TFCP2L1: variants seen among roughly 807,000 people sequenced by gnomAD.
The protein encoded by TFCP2L1 is transcription factor CP2-like protein 1.
A neutral mutation model predicts 72.2 loss-of-function variants in TFCP2L1; 12 were observed. That is an observed-to-expected ratio of 0.17 (90% CI 0.11 to 0.27). The LOEUF is 0.27. Ranked by LOEUF, TFCP2L1 falls within the 10% of genes least tolerant of loss-of-function variation. The pLI, the probability that TFCP2L1 is intolerant of heterozygous loss-of-function variation, is 1.00. For missense variants in TFCP2L1, 488 were observed against 624.6 expected, an observed-to-expected ratio of 0.78 and a Z score of 2.33; for synonymous variants, 260 against 251.0, an observed-to-expected ratio of 1.04 and a Z score of -0.34.
chr2:121,284,206 C>A (rs1340415363), intron 1 of TFCP2L1, among the ~76,000 whole-genome samples: 2 of 152,246 alleles, frequency 1.3e-5, no homozygotes, highest in East Asian at 1.9e-4. Context: ...ATCAAATGCC[C>A]TTTGGGTTAA....
intron 1 of TFCP2L1, among the ~76,000 whole-genome samples, chr2:121,284,779 CCT>C (rs1687332914): frequency 6.6e-6 from 1 of 152,158 alleles, no homozygotes; most frequent in Non-Finnish European, 1.5e-5. Context: ...CGCCCTGCAC[CCT>C]CTCTGCCGCC....
At chr2:121,246,166 G>A (rs993816792) in intron 6 of TFCP2L1, among the ~76,000 whole-genome samples, 2 of 152,210 alleles carry the variant, frequency 1.3e-5, no homozygotes, top group African/African-American at 2.4e-5. Flanking sequence ...TGAGAATGAT[G>A]CAAGCTCATG....
chr2:121,249,057 G>A lies in TFCP2L1; in HGVS notation c.322C>T (p.Arg108Trp), dbSNP rs770297980. The change falls in exon 4 of 15, where the codon CGG (arginine) becomes TGG (tryptophan). Residue 108 changes from arginine to tryptophan, a missense_variant. This residue lies in a region of TFCP2L1 where 129 missense variants were observed against 236.0 expected (regional missense o/e 0.55). Transcript: ENST00000263707. Reference sequence around the variant, plus strand: ...TGCTGGTGCTCCGTATACTGCAGCCGGCGGTCATGGAAGACCACACGGATG... The same window carrying A: ...TGCTGGTGCTCCGTATACTGCAGCCAGCGGTCATGGAAGACCACACGGATG... The part of the protein sequence containing the change: ...SIIRVVFHDR[R>W]LQYTEHQQLE... The A allele has an allele frequency of 5.0e-6, 8 of 1,598,708 alleles. No individual in the cohort carries two copies. The highest frequency in any genetic ancestry group is 4.5e-5 in the South Asian group (4 of 88,302).
chr2:121,235,135 C>A, intron 11 of TFCP2L1, 86 bp downstream of exon 11: 1 of 1,437,836 alleles, frequency 7.0e-7, no homozygotes, highest in Non-Finnish European at 9.7e-7. Flanking sequence ...GACCACCCAC[C>A]ATCCAAAAGG....
At chr2:121,279,423 G>A (rs1687211408) in intron 2 of TFCP2L1, among the ~76,000 whole-genome samples, 1 of 152,136 alleles carries the variant, frequency 6.6e-6, no homozygotes, top group African/African-American at 2.4e-5. Context: ...CAGGTCTCCG[G>A]GCCTGAGCAG....
Position 121,234,138 on chromosome 2 carries a change from A to C in TFCP2L1, c.1151T>G (p.Val384Gly). The C allele has an allele frequency of 1.2e-6, 2 of 1,614,028 alleles. No homozygotes were observed. The highest frequency in any genetic ancestry group is 8.5e-7 in the Non-Finnish European group (1 of 1,180,014). The change falls in exon 12 of 15, where the codon GTG (valine) becomes GGG (glycine). Residue 384 changes from valine to glycine, a missense_variant. Physicochemically the swap from Val to Gly is moderately radical, Grantham distance 109. This residue lies in a region of TFCP2L1 where 286 missense variants were observed against 329.0 expected (regional missense o/e 0.87). Coordinates refer to ENST00000263707, the MANE Select transcript of TFCP2L1 (RefSeq NM_014553.3). ...GCCGTCCCGCTTCTGCTGCAGGGGC[A>C]CTCGATTCTGCTCCAGCTCCTGACA... ...YVCQELEQNRVPLQQKRDGSG... is the reference protein window; with the variant it reads ...YVCQELEQNRGPLQQKRDGSG...
intron 13 of TFCP2L1, among the ~76,000 whole-genome samples, chr2:121,229,113 C>T (rs902700588): frequency 5.9e-5 from 9 of 151,928 alleles, no homozygotes; most frequent in African/African-American, 2.2e-4. Flanking sequence ...GACAGGGTTT[C>T]GTCATGTTGG....
intron 2 of TFCP2L1, among the ~76,000 whole-genome samples, chr2:121,263,739 T>A (rs192077610): frequency 6.6e-6 from 1 of 152,286 alleles, no homozygotes; most frequent in East Asian, 1.9e-4. Flanking sequence ...ATCACTGCCA[T>A]TTGTGTGTGT....
At chr2:121,276,151 T>C (rs1687142258) in intron 2 of TFCP2L1, among the ~76,000 whole-genome samples, 1 of 152,176 alleles carries the variant, frequency 6.6e-6, no homozygotes. Flanking sequence ...TGTGCCATGG[T>C]GGTTTGCTGC....
intron 2 of TFCP2L1, among the ~76,000 whole-genome samples, chr2:121,250,022 A>T (rs2304664): frequency 0.04 from 6,158 of 152,320 alleles, 222 homozygotes; most frequent in East Asian, 0.13. Context: ...TTAAGTTCAC[A>T]TTACAGGGTA....
chr2:121,259,210 G>A (rs1453962380), intron 2 of TFCP2L1, among the ~76,000 whole-genome samples: 3 of 152,046 alleles, frequency 2.0e-5, no homozygotes, highest in Non-Finnish European at 4.4e-5. Flanking sequence ...TTGAATCCAG[G>A]AGGCGGAGGC....
rs1436822241 is a variant in TFCP2L1, at chr2:121,216,685, A to G, written c.*7656T>C. The stretch of plus-strand genomic sequence containing the variant: ...TATGGTACAGTAACAAGTGCAAAAT[A>G]TGCTTTATTTCAGGTACAAAAACAT... On this transcript the variant is annotated 3_prime_UTR_variant, in exon 15 of 15. Coordinates refer to ENST00000263707, the MANE Select transcript of TFCP2L1 (RefSeq NM_014553.3). The G allele has an allele frequency of 6.6e-6, 1 of 152,168 alleles. No individual in the cohort carries two copies. The highest frequency in any genetic ancestry group is 1.5e-5 in the Non-Finnish European group (1 of 68,048). The allele number at this position is 152,168 out of a possible 1,614,324, so 9.4% of individuals were successfully genotyped here.
At chr2:121,262,401 C>A (rs955409317) in intron 2 of TFCP2L1, among the ~76,000 whole-genome samples, 1 of 152,052 alleles carries the variant, frequency 6.6e-6, no homozygotes, top group Non-Finnish European at 1.5e-5. Flanking sequence ...GGAGGCGAGG[C>A]TGCAGTGAGC....
At chr2:121,284,708 G>A (rs1687330539) in intron 1 of TFCP2L1, among the ~76,000 whole-genome samples, 1 of 152,186 alleles carries the variant, frequency 6.6e-6, no homozygotes, top group Non-Finnish European at 1.5e-5. Context: ...TCCGATACGC[G>A]GGGGAGAGGA....
chr2:121,255,944 A>G (rs922857765), intron 2 of TFCP2L1, among the ~76,000 whole-genome samples: 3 of 152,090 alleles, frequency 2.0e-5, no homozygotes, highest in East Asian at 3.9e-4. Context: ...GGGTTTCACC[A>G]TGTTAGCCAG....
chr2:121,224,230 C>G lies in TFCP2L1; in HGVS notation c.*111G>C. 1 of 1,296,922 alleles carries G rather than the reference C, an allele frequency of 7.7e-7. No homozygotes were observed. The highest frequency in any genetic ancestry group is 1.1e-6 in the Non-Finnish European group (1 of 913,142). 80.3% of individuals were successfully genotyped at this position (1,296,922 alleles called of 1,614,324 possible). ...AGCTTTCACAGACTGGGCAGGGTCC[C>G]TCCTGGCCTCAGCTTGCCTGGTGAG... On this transcript the variant is annotated 3_prime_UTR_variant, in exon 15 of 15. Coordinates refer to ENST00000263707, the MANE Select transcript of TFCP2L1 (RefSeq NM_014553.3).
At chr2:121,254,314 C>T (rs115892357) in intron 2 of TFCP2L1, among the ~76,000 whole-genome samples, 6 of 152,054 alleles carry the variant, frequency 3.9e-5, no homozygotes, top group African/African-American at 1.2e-4. Flanking sequence ...CTGGAAGAGC[C>T]GTACTATAAT....
chr2:121,241,793 T>C (rs1247950986), intron 7 of TFCP2L1, among the ~76,000 whole-genome samples: 1 of 152,118 alleles, frequency 6.6e-6, no homozygotes, highest in Non-Finnish European at 1.5e-5. Context: ...TCACACATGA[T>C]GCCATGCAGC....
intron 2 of TFCP2L1, among the ~76,000 whole-genome samples, chr2:121,257,580 C>G (rs1415099601): frequency 6.6e-6 from 1 of 152,226 alleles, no homozygotes; most frequent in African/African-American, 2.4e-5. Flanking sequence ...TGCTCTCCCT[C>G]TTCCCACCTG....
Sources: gnomAD v4.1 joint callset for allele counts (sites outside exome capture counted in the v4.1 genomes callset) on GRCh38, gnomAD v4.1.1 for gene constraint, gnomAD v4.1.1 regional missense constraint, MANE v1.5 for transcripts, NCBI Gene and HGNC (gene_info 2026-07-23, HGNC 2026-07-21) for gene names.